Variants in CDH23 observed in about 807,000 individuals in gnomAD.
CDH23 encodes the protein cadherin-23.
A neutral mutation model predicts 317.1 loss-of-function variants in CDH23; 189 were observed. The ratio of observed to expected loss-of-function variants is 0.60; its 90% CI spans 0.53 to 0.67. The LOEUF (loss-of-function observed/expected upper bound fraction) is 0.67, where lower values mean the gene tolerates loss of function less well. CDH23 is among the 30% of genes least tolerant of loss of function. The pLI is 0.00. For synonymous variants in CDH23, 1,839 were observed against 1,876.8 expected (o/e 0.98, Z 0.52); for missense variants, 4,401 against 4,592.4 (o/e 0.96, Z 1.20).
intron 41 of CDH23, among the ~76,000 whole-genome samples, chr10:71,780,273 G>A (rs535961415): frequency 1.4e-4 from 21 of 152,306 alleles, no homozygotes; most frequent in African/African-American, 4.8e-4. Flanking sequence ...TAGAACGTAC[G>A]TTCCAGTTGG....
At chr10:71,564,916 A>G (rs1471758315) in intron 6 of CDH23, among the ~76,000 whole-genome samples, 1 of 152,272 alleles carries the variant, frequency 6.6e-6, no homozygotes, top group East Asian at 1.9e-4. Flanking sequence ...GATCTATTGT[A>G]TATGAAAACC....
In CDH23 at chr10:71,702,588, T is replaced by C; in HGVS notation, c.2627T>C (p.Val876Ala). ...PPLKATSSAT[V>A]FVNLLDLNDN... The stretch of plus-strand genomic sequence containing the variant: ...CTGAAAGCCACCAGCAGTGCCACAG[T>C]GTTTGTGAACCTCTTGGATCTCAAT... Residue 876 changes from valine (V) to alanine (A), a missense_variant, in exon 24 of 70, where the codon GTG becomes GCG. Physicochemically the swap from Val to Ala is moderately conservative, Grantham distance 64. Coordinates refer to ENST00000224721, the MANE Select transcript of CDH23 (RefSeq NM_022124.6). The C allele has an allele frequency of 2.5e-6, 4 of 1,613,964 alleles. No individual in the cohort carries two copies. Among genetic ancestry groups the C allele is most frequent in the Non-Finnish European group, 3.4e-6 (4 of 1,179,882 alleles).
At chr10:71,685,237 C>T (rs1386308315) in intron 18 of CDH23, among the ~76,000 whole-genome samples, 1 of 152,218 alleles carries the variant, frequency 6.6e-6, no homozygotes, top group East Asian at 1.9e-4. Context: ...TGTCCTCCCA[C>T]ACAGCTTGCA....
chr10:71,643,952 C>T, intron 12 of CDH23, 86 bp downstream of exon 12: 1 of 751,872 alleles, frequency 1.3e-6, no homozygotes, highest in Non-Finnish European at 2.4e-6. Context: ...AAGGGCACAG[C>T]TCAGCCCTCC....
At chr10:71,682,047 GAC>G (rs1000765819) in intron 17 of CDH23, among the ~76,000 whole-genome samples, 1 of 143,036 alleles carries the variant, frequency 7.0e-6, no homozygotes, top group Non-Finnish European at 1.5e-5. Context: ...GAGTGAGTGA[GAC>G]AGACAGACAG....
At chr10:71,760,006 T>TATATACACACACAC (rs1840288447) in intron 38 of CDH23, among the ~76,000 whole-genome samples, 1 of 85,708 alleles carries the variant, frequency 1.2e-5, no homozygotes, top group Non-Finnish European at 2.7e-5. Context: ...CACATACATA[T>TATATACACACACAC]ATATACACAC....
chr10:71,447,397 C>T (rs769570018), intron 3 of CDH23, among the ~76,000 whole-genome samples: 1 of 152,118 alleles, frequency 6.6e-6, no homozygotes, highest in Non-Finnish European at 1.5e-5. Context: ...TTACGCGGGC[C>T]CAGACTCTCC....
At chr10:71,626,309 A>G (rs1868003) in intron 11 of CDH23, among the ~76,000 whole-genome samples, 146,108 of 152,250 alleles carry the variant, frequency 0.96, 70,187 homozygotes, top group East Asian at 1. Context: ...CTAGCTCCCC[A>G]CTCGGGCCTT....
In CDH23 at chr10:71,741,823, G is replaced by A. The variant is rs775013186; in HGVS notation, c.4747G>A (p.Gly1583Ser). ...GGCCTTCCGCATGGACCGCATCAGC[G>A]GTGAGATCGCCACACGGCCTGCCCC... is the stretch of plus-strand genomic sequence containing the variant. ...DMAFRMDRIS[G>S]EIATRPAPPD... Residue 1583 changes from glycine to serine, a missense_variant, in exon 38 of 70, where the codon GGT (glycine) becomes AGT (serine). Transcript: ENST00000224721. 6.2e-6 allele frequency: 10 copies of A among 1,611,822 alleles called. No homozygotes were observed. The highest frequency in any genetic ancestry group is 3.3e-5 in the South Asian group (3 of 90,610).
intron 55 of CDH23, among the ~76,000 whole-genome samples, chr10:71,804,891 C>A (rs932276003): frequency 2.6e-5 from 4 of 152,182 alleles, no homozygotes; most frequent in African/African-American, 9.7e-5. Context: ...TAATAATAAT[C>A]TAGTCCTTTT....
rs118167791 is a variant in CDH23, at chr10:71,421,891, G to A, written c.-5-17936G>A. ...ATGTGGACACAGTGAACTAGGAGTC[G>A]TGTGAAGCTTTTGGGTCATTAAAAG... On this transcript the variant is annotated intron_variant, in intron 1 of 69. Transcript: ENST00000224721. Among the ~76,000 whole-genome samples, 660 of 152,048 alleles carry A rather than the reference G, an allele frequency of 4.3e-3. 5 individuals carry two copies. Among genetic ancestry groups the A allele is most frequent in the Admixed American group, 7.6e-3 (116 of 15,258 alleles).
intron 38 of CDH23, chr10:71,761,779 G>A (rs371440777): frequency 1.9e-6 from 3 of 1,614,154 alleles, no homozygotes; most frequent in African/African-American, 2.7e-5. Flanking sequence ...CCAGGTCGTG[G>A]CTGGTGTTGG....
intron 3 of CDH23, 54 bp from the exon 4 acceptor site, chr10:71,510,028 G>A: frequency 6.2e-7 from 1 of 1,609,336 alleles, no homozygotes; most frequent in South Asian, 1.1e-5. Flanking sequence ...AGGTAGGAAG[G>A]CATAAACGTG....
intron 41 of CDH23, among the ~76,000 whole-genome samples, chr10:71,783,854 T>C (rs1164085765): frequency 6.6e-6 from 1 of 152,210 alleles, no homozygotes; most frequent in African/African-American, 2.4e-5. Context: ...CCCAATATCC[T>C]TTTTTACAAG....
At chr10:71,733,184 G>A (rs888028514) in intron 32 of CDH23, among the ~76,000 whole-genome samples, 5 of 152,202 alleles carry the variant, frequency 3.3e-5, no homozygotes, top group African/African-American at 1.2e-4. Flanking sequence ...TATTATGAAG[G>A]ATAGTCTAAA....
chr10:71,808,706 T>A (rs1841818870), intron 60 of CDH23, among the ~76,000 whole-genome samples: 2 of 152,242 alleles, frequency 1.3e-5, no homozygotes, highest in East Asian at 3.9e-4. Context: ...GCCTCGTCTG[T>A]GGCCTGGCAT....
At chr10:71,618,855 G>T (rs377648726) in intron 11 of CDH23, among the ~76,000 whole-genome samples, 26 of 151,280 alleles carry the variant, frequency 1.7e-4, no homozygotes, top group African/African-American at 6.4e-4. Flanking sequence ...GTGTGTGTGT[G>T]TACATGTGTG....
intron 44 of CDH23, 46 bp downstream of exon 44, chr10:71,785,784 G>T (rs371166397): frequency 5.5e-5 from 66 of 1,189,808 alleles, no homozygotes; most frequent in Middle Eastern, 1.9e-4. Context: ...AGCTAGAGGC[G>T]CATGGAGAGA....
chr10:71,659,536 T>TGGA (rs1393998073), intron 14 of CDH23, among the ~76,000 whole-genome samples: 4 of 152,234 alleles, frequency 2.6e-5, no homozygotes, highest in Admixed American at 1.3e-4. Context: ...AGCTTGTTTC[T>TGGA]GGAGTGGCTC....
Sources: allele counts gnomAD v4.1 joint callset (sites outside exome capture counted in the v4.1 genomes callset), GRCh38; gene constraint gnomAD v4.1.1; transcripts MANE v1.5; gene names NCBI Gene and HGNC (gene_info 2026-07-23, HGNC 2026-07-21).